ZNF469: variants seen among roughly 807,000 people sequenced by gnomAD.
ZNF469 encodes zinc finger protein 469.
A neutral mutation model predicts 1.0 loss-of-function variants in ZNF469; 1 was observed. The observed-to-expected ratio is 1.00, with a 90% CI of 0.35 to 4.73. The LOEUF (loss-of-function observed/expected upper bound fraction) is 4.73. Ranked by LOEUF, ZNF469 falls within the 30% of genes most tolerant of loss-of-function variation. The pLI, the probability that ZNF469 is intolerant of heterozygous loss-of-function variation, is 0.16. For missense variants in ZNF469, 6,100 were observed against 5,356.3 expected (o/e 1.14, Z -4.33); for synonymous variants, 2,703 against 2,363.4 (o/e 1.14, Z -4.17).
rs1297899547 is a variant in ZNF469, at chr16:88,439,099, C to G, written c.11629C>G (p.Gln3877Glu). 1.3e-6 allele frequency: 2 copies of G among 1,550,964 alleles called. No homozygotes were observed. Among genetic ancestry groups the G allele is most frequent in the Admixed American group, 2.0e-5 (1 of 51,014 alleles). ...CAAACCCAGGCCGCCACCATCAGAG[C>G]AGCGGAAGGCAGAGCCGGGCCACAC... ...QNKPRPPPSE[Q>E]RKAEPGHTQR... is the part of the protein sequence containing the mutation. The change falls in exon 3 of 3, where the codon CAG (glutamine) becomes GAG (glutamate). Residue 3877 changes from glutamine (Q) to glutamate (E), a missense_variant. Transcript: ENST00000565624.
chr16:88,388,466 G>C (rs909671167), intron 1 of ZNF469, among the ~76,000 whole-genome samples: 1 of 151,960 alleles, frequency 6.6e-6, no homozygotes, highest in African/African-American at 2.4e-5. Flanking sequence ...GGGGTTTTCC[G>C]CATTCCTCCG....
chr16:88,144,661 C>T, the ZNF469 span, among the ~76,000 whole-genome samples: 5 of 152,298 alleles, frequency 3.3e-5, no homozygotes, highest in East Asian at 7.7e-4. Flanking sequence ...TGTCATCACC[C>T]GTGTGGCCCA....
At chr16:88,160,040 T>C in the ZNF469 span, among the ~76,000 whole-genome samples, 1 of 152,342 alleles carries the variant, frequency 6.6e-6, no homozygotes, top group Admixed American at 6.5e-5. Context: ...CTCAGTTTCC[T>C]GAAGTGTGAG....
the ZNF469 span, among the ~76,000 whole-genome samples, chr16:88,164,739 T>C: frequency 6.6e-6 from 1 of 152,024 alleles, no homozygotes; most frequent in Non-Finnish European, 1.5e-5. Flanking sequence ...GAAAGCAGGA[T>C]GAGGTCAGAA....
chr16:88,358,155 A>C, the ZNF469 span, among the ~76,000 whole-genome samples: 1 of 152,224 alleles, frequency 6.6e-6, no homozygotes, highest in South Asian at 2.1e-4. Flanking sequence ...CTTGCACTGC[A>C]GCGTGGGCGT....
the ZNF469 span, among the ~76,000 whole-genome samples, chr16:88,363,011 C>T: frequency 1.3e-5 from 2 of 152,156 alleles, no homozygotes; most frequent in Admixed American, 1.3e-4. Flanking sequence ...GGAAATTTCT[C>T]ATTTCAGATA....
the ZNF469 span, among the ~76,000 whole-genome samples, chr16:88,372,253 C>A: frequency 1.1e-3 from 131 of 121,144 alleles, no homozygotes; most frequent in Non-Finnish European, 1.2e-3. Context: ...CACCATCATC[C>A]CCATCATCGT....
the ZNF469 span, among the ~76,000 whole-genome samples, chr16:88,175,051 A>G: frequency 6.6e-6 from 1 of 152,226 alleles, no homozygotes; most frequent in South Asian, 2.1e-4. Context: ...GCTGTTGTTC[A>G]TAGGAGAAAT....
At chr16:88,381,438 G>A (rs972648106), upstream of ZNF469, among the ~76,000 whole-genome samples, 5 of 151,120 alleles carry the variant, frequency 3.3e-5, no homozygotes, top group Non-Finnish European at 7.4e-5. Context: ...ACACACACAC[G>A]GGTTTGGAAA....
Position 88,427,339 on chromosome 16 carries a change from T to C in ZNF469, c.-126-6T>C. 9.8e-7 allele frequency: 1 copy of C among 1,017,432 alleles called. No homozygotes were observed. Among genetic ancestry groups the C allele is most frequent in the Non-Finnish European group, 1.4e-6 (1 of 731,382 alleles). The allele number at this position is 1,017,432 out of a possible 1,614,324, so 63.0% of individuals were successfully genotyped here. Reference sequence around the variant, plus strand: ...TGCCCCACTCACCCCTGACCTTTCCTTCCAGGCTCCACTCAGGACCATGAG... The same window carrying C: ...TGCCCCACTCACCCCTGACCTTTCCCTCCAGGCTCCACTCAGGACCATGAG... On this transcript the variant is annotated splice_polypyrimidine_tract_variant and splice_region_variant and intron_variant, in intron 2 of 2. Transcript: ENST00000565624.
the ZNF469 span, among the ~76,000 whole-genome samples, chr16:88,120,014 G>A: frequency 6.6e-6 from 1 of 152,208 alleles, no homozygotes; most frequent in African/African-American, 2.4e-5. Context: ...TTCTGAGAAT[G>A]GGATGGGGAA....
the ZNF469 span, among the ~76,000 whole-genome samples, chr16:88,246,513 C>T: frequency 3.3e-5 from 5 of 152,350 alleles, no homozygotes; most frequent in East Asian, 7.7e-4. Flanking sequence ...GCTGTCTTGG[C>T]ACACTCGTTC....
the ZNF469 span, among the ~76,000 whole-genome samples, chr16:88,126,698 G>C: frequency 6.6e-6 from 1 of 151,582 alleles, no homozygotes; most frequent in Non-Finnish European, 1.5e-5. Flanking sequence ...CTGTAACCCA[G>C]GCTGGAGTGC....
At chr16:88,343,156 T>C in the ZNF469 span, among the ~76,000 whole-genome samples, 1 of 150,090 alleles carries the variant, frequency 6.7e-6, no homozygotes, top group South Asian at 2.1e-4. Context: ...CTCACACCTC[T>C]CATGCTCCTG....
chr16:88,258,787 C>T, the ZNF469 span, among the ~76,000 whole-genome samples: 11 of 152,300 alleles, frequency 7.2e-5, no homozygotes, highest in Admixed American at 2.0e-4. Context: ...TGCGTTCTGG[C>T]AGTGGGAGGT....
the ZNF469 span, among the ~76,000 whole-genome samples, chr16:88,373,418 G>C: frequency 6.6e-6 from 1 of 152,184 alleles, no homozygotes; most frequent in African/African-American, 2.4e-5. Flanking sequence ...AACAGGATGA[G>C]ACAGCTGGGC....
At chr16:88,167,377 C>T in the ZNF469 span, among the ~76,000 whole-genome samples, 4 of 152,132 alleles carry the variant, frequency 2.6e-5, no homozygotes, top group African/African-American at 7.2e-5. Context: ...ATTTGTTCTT[C>T]AGGCCTGCCA....
chr16:88,210,667 G>A, the ZNF469 span, among the ~76,000 whole-genome samples: 3 of 152,176 alleles, frequency 2.0e-5, no homozygotes, highest in African/African-American at 4.8e-5. Flanking sequence ...TCCCAGCACC[G>A]TTTGTTAAAA....
At chr16:88,138,504 A>G in the ZNF469 span, among the ~76,000 whole-genome samples, 1 of 152,262 alleles carries the variant, frequency 6.6e-6, no homozygotes. Context: ...CTGATTGAAT[A>G]GTAGAAAAGT....
Sources: gnomAD v4.1 joint callset for allele counts (sites outside exome capture counted in the v4.1 genomes callset) on GRCh38, gnomAD v4.1.1 for gene constraint, MANE v1.5 for transcripts, NCBI Gene and HGNC (gene_info 2026-07-23, HGNC 2026-07-21) for gene names.